The following VPS13B variants were observed in gnomAD, a reference collection of about 807,000 sequenced individuals.
VPS13B encodes the protein intermembrane lipid transfer protein VPS13B.
Under a neutral mutation model 426.4 loss-of-function variants are expected in VPS13B, and 285 were observed. The observed-to-expected ratio is 0.67, with a 90% CI of 0.61 to 0.74. The LOEUF (loss-of-function observed/expected upper bound fraction) is 0.74. VPS13B is among the 30% of genes least tolerant of loss of function. VPS13B has a pLI of 0.00. For synonymous variants in VPS13B, 1,676 were observed against 1,676.4 expected, an observed-to-expected ratio of 1.00 and a Z score of 0.01; for missense variants, 4,537 against 4,782.6, an observed-to-expected ratio of 0.95 and a Z score of 1.51.
Position 99,766,778 on chromosome 8 carries a change from C to T in VPS13B, c.7055C>T (p.Pro2352Leu). The change falls in exon 40 of 62, where the codon CCT (proline) becomes CTT (leucine). Residue 2352 changes from proline (P) to leucine (L), a missense_variant. By Grantham distance (98) the Pro-to-Leu change is moderately conservative. Transcript: ENST00000357162. ...ATTTTTTTTATTTTAACATAGGTTC[C>T]TTGTAGCTTGGAATACTGGGATGAA... ...TADLGDVLQV[P>L]CSLEYWDELQ... 1 of 1,613,254 alleles carries T rather than the reference C, an allele frequency of 6.2e-7. No homozygotes were observed. Among genetic ancestry groups the T allele is most frequent in the African/African-American group, 1.3e-5 (1 of 74,948 alleles).
At chr8:99,557,239 C>T (rs769446455) in intron 31 of VPS13B, among the ~76,000 whole-genome samples, 9 of 151,990 alleles carry the variant, frequency 5.9e-5, no homozygotes, top group Non-Finnish European at 1.2e-4. Context: ...ACACCCATCA[C>T]CTGAGTAGTA....
At chr8:99,633,806 GGTGT>G (rs139474452) in intron 33 of VPS13B, among the ~76,000 whole-genome samples, 1,455 of 143,950 alleles carry the variant, frequency 0.01, 29 homozygotes, top group African/African-American at 0.035. Context: ...GAATGTGTCA[GGTGT>G]GTGTGTGTGT....
intron 31 of VPS13B, among the ~76,000 whole-genome samples, chr8:99,558,656 G>A (rs148828820): frequency 0.061 from 9,260 of 151,970 alleles, 383 homozygotes; most frequent in African/African-American, 0.11. Context: ...GAGAACATGC[G>A]GTGTTTGGTT....
chr8:99,585,582 A>G (rs1826263026), intron 33 of VPS13B, among the ~76,000 whole-genome samples: 1 of 152,184 alleles, frequency 6.6e-6, no homozygotes, highest in Non-Finnish European at 1.5e-5. Flanking sequence ...TTTAAGTCAT[A>G]TGATTATCTC....
intron 3 of VPS13B, among the ~76,000 whole-genome samples, chr8:99,082,464 T>G (rs1226594271): frequency 6.6e-6 from 1 of 152,232 alleles, no homozygotes; most frequent in Non-Finnish European, 1.5e-5. Context: ...CTCTTTAGTT[T>G]AATTACATCC....
chr8:99,554,973 A>G (rs1262185012), intron 30 of VPS13B, among the ~76,000 whole-genome samples: 1 of 152,134 alleles, frequency 6.6e-6, no homozygotes, highest in Non-Finnish European at 1.5e-5. Flanking sequence ...GAGAAAACAC[A>G]GATCCAGCTC....
intron 39 of VPS13B, among the ~76,000 whole-genome samples, chr8:99,740,081 A>G (rs531624725): frequency 2.6e-5 from 4 of 152,314 alleles, no homozygotes; most frequent in African/African-American, 9.6e-5. Flanking sequence ...TGCAAAAAAA[A>G]TTAGACGAAT....
At chr8:99,362,057 T>C (rs761069812) in intron 19 of VPS13B, among the ~76,000 whole-genome samples, 1 of 152,194 alleles carries the variant, frequency 6.6e-6, no homozygotes, top group Non-Finnish European at 1.5e-5. Flanking sequence ...CATTAAACTT[T>C]GACCATGACT....
At chr8:99,506,273 G>A (rs1273818602) in intron 27 of VPS13B, among the ~76,000 whole-genome samples, 2 of 152,090 alleles carry the variant, frequency 1.3e-5, no homozygotes, top group Non-Finnish European at 2.9e-5. Context: ...ATATTAAACA[G>A]TGACTTATTA....
At chr8:99,174,744 A>G (rs1812538642) in intron 16 of VPS13B, among the ~76,000 whole-genome samples, 1 of 152,198 alleles carries the variant, frequency 6.6e-6, no homozygotes, top group Admixed American at 6.5e-5. Flanking sequence ...GAGATGCATC[A>G]ATAAACAAAA....
At chr8:99,710,048 A>AT (rs1345948149) in intron 36 of VPS13B, among the ~76,000 whole-genome samples, 1 of 152,170 alleles carries the variant, frequency 6.6e-6, no homozygotes, top group Non-Finnish European at 1.5e-5. Flanking sequence ...CTAAGTGATG[A>AT]TTTTATATCG....
intron 39 of VPS13B, among the ~76,000 whole-genome samples, chr8:99,740,404 A>G (rs989567008): frequency 2.2e-4 from 34 of 152,192 alleles, no homozygotes; most frequent in Non-Finnish European, 4.0e-4. Flanking sequence ...ACCCTGCAGG[A>G]TATTATCCAG....
intron 51 of VPS13B, among the ~76,000 whole-genome samples, chr8:99,825,240 G>A (rs1017321575): frequency 1.3e-5 from 2 of 152,154 alleles, no homozygotes; most frequent in African/African-American, 4.8e-5. Flanking sequence ...AGCATCTGTT[G>A]TTTCCTGACT....
chr8:99,452,683 T>C (rs556465538), intron 23 of VPS13B, among the ~76,000 whole-genome samples: 3 of 152,338 alleles, frequency 2.0e-5, no homozygotes, highest in African/African-American at 7.2e-5. Context: ...AAGCATTACA[T>C]AGATGATTAA....
intron 17 of VPS13B, among the ~76,000 whole-genome samples, chr8:99,226,945 T>C (rs984018129): frequency 6.6e-6 from 1 of 152,124 alleles, no homozygotes; most frequent in Non-Finnish European, 1.5e-5. Context: ...TTGTTGCTAT[T>C]AGCCTCCCTA....
chr8:99,353,591 C>G (rs1050600010), intron 19 of VPS13B, among the ~76,000 whole-genome samples: 3 of 144,780 alleles, frequency 2.1e-5, no homozygotes, highest in African/African-American at 7.8e-5. Context: ...CTAGAGCAGA[C>G]AGACTTCTTT....
chr8:99,397,074 T>G (rs1183462056), intron 21 of VPS13B, among the ~76,000 whole-genome samples: 1 of 152,208 alleles, frequency 6.6e-6, no homozygotes, highest in Non-Finnish European at 1.5e-5. Flanking sequence ...CTTTAGATTA[T>G]TGTTACTTGT....
At chr8:99,172,709 T>C (rs1563582224) in intron 16 of VPS13B, among the ~76,000 whole-genome samples, 1 of 152,186 alleles carries the variant, frequency 6.6e-6, no homozygotes, top group Non-Finnish European at 1.5e-5. Context: ...CTAATAAATC[T>C]GAACTCTGCT....
chr8:99,868,694 A>C (rs542360942), intron 59 of VPS13B, among the ~76,000 whole-genome samples: 181 of 152,324 alleles, frequency 1.2e-3, no homozygotes, highest in African/African-American at 3.8e-3. Context: ...TTTTTACAGT[A>C]CACTTGATAG....
Sources: allele counts gnomAD v4.1 joint callset (sites outside exome capture counted in the v4.1 genomes callset), GRCh38; gene constraint gnomAD v4.1.1; transcripts MANE v1.5; gene names NCBI Gene and HGNC (gene_info 2026-07-23, HGNC 2026-07-21).